The following RUNX1 variants were observed in gnomAD, a reference collection of about 807,000 sequenced individuals.
RUNX1 encodes the protein runt-related transcription factor 1.
A neutral mutation model predicts 42.8 loss-of-function variants in RUNX1; 19 were observed. The ratio of observed to expected loss-of-function variants is 0.44; its 90% CI spans 0.31 to 0.65. The LOEUF (loss-of-function observed/expected upper bound fraction) is 0.65, where lower values mean the gene tolerates loss of function less well. RUNX1 is among the 30% of genes least tolerant of loss of function. The pLI is 0.07. For synonymous variants in RUNX1, 271 were observed against 289.4 expected (o/e 0.94, Z 0.64); for missense variants, 528 against 672.0 (o/e 0.79, Z 2.37).
Position 34,999,956 on chromosome 21 carries a change from G to A in RUNX1, c.58+48886C>T, listed in dbSNP as rs570055720. Among the ~76,000 whole-genome samples, 28 of 152,230 alleles carry A rather than the reference G, an allele frequency of 1.8e-4. 1 individual carries two copies. Among genetic ancestry groups the A allele is most frequent in the South Asian group, 4.1e-4 (2 of 4,820 alleles). On this transcript the variant is annotated intron_variant, in intron 2 of 8. Transcript: ENST00000675419. ...CTAGTGGTTAAGCTTCATCTTTATC[G>A]GGCTGAACGAGATGAGCTTTCACCC...
At chr21:34,865,221 T>C (rs1217358411) in intron 5 of RUNX1, among the ~76,000 whole-genome samples, 3 of 151,530 alleles carry the variant, frequency 2.0e-5, no homozygotes, top group Admixed American at 2.0e-4. Flanking sequence ...ACAGATCCCG[T>C]AAGAAGGAGC....
Position 34,792,177 on chromosome 21 carries a change from C to T in RUNX1, c.1401G>A (p.Ala467=), listed in dbSNP as rs754338287. Reference sequence around the variant, plus strand: ...CGGCCTCCTCCAGGCGCGCGGAGGGCGCCATGTTGGTGGGGGAGTTGCTGT... The same window carrying T: ...CGGCCTCCTCCAGGCGCGCGGAGGGTGCCATGTTGGTGGGGGAGTTGCTGT... The part of the protein sequence containing the change: ...GSHSNSPTNM[A]PSARLEEAVW... The change falls in exon 9 of 9, where the codon GCG becomes GCA. Residue 467 remains alanine, a synonymous_variant. Coordinates refer to ENST00000675419, the MANE Select transcript of RUNX1 (RefSeq NM_001754.5). The surrounding 1 kb of genome is among the most constrained non-coding windows in gnomAD (Gnocchi z 6.9). 9.2e-6 allele frequency: 14 copies of T among 1,529,764 alleles called. No homozygotes were observed. In the African/African-American group the frequency reaches 1.9e-4, roughly 21 times the overall value. The allele number at this position is 1,529,764 out of a possible 1,614,324, so 94.8% of individuals were successfully genotyped here. A position where few individuals can be genotyped will look rare whatever the true frequency, so the allele number is the denominator to read the frequency against.
chr21:34,898,747 G>A (rs189205903), intron 2 of RUNX1, among the ~76,000 whole-genome samples: 1 of 152,248 alleles, frequency 6.6e-6, no homozygotes, highest in Admixed American at 6.5e-5. Flanking sequence ...ACTGCAGAAA[G>A]TGAATGCGTA....
intron 2 of RUNX1, among the ~76,000 whole-genome samples, chr21:34,895,467 GC>G: frequency 6.6e-6 from 1 of 152,318 alleles, no homozygotes; most frequent in East Asian, 1.9e-4. Flanking sequence ...AGGAAGAGGG[GC>G]CAACAGCCCC....
At chr21:34,798,323 T>C (rs1405250194) in intron 8 of RUNX1, among the ~76,000 whole-genome samples, 1 of 152,254 alleles carries the variant, frequency 6.6e-6, no homozygotes, top group Non-Finnish European at 1.5e-5. Context: ...ACTAAGTTTC[T>C]TCTTTTGCCT....
chr21:34,932,162 TA>T (rs1039052462), intron 2 of RUNX1, among the ~76,000 whole-genome samples: 2 of 152,174 alleles, frequency 1.3e-5, no homozygotes, highest in Non-Finnish European at 2.9e-5. Flanking sequence ...GTAATTAATT[TA>T]TAGAGAGTTG....
intron 2 of RUNX1, among the ~76,000 whole-genome samples, chr21:34,962,981 C>A (rs1297858695): frequency 1.3e-5 from 2 of 152,196 alleles, no homozygotes; most frequent in Non-Finnish European, 2.9e-5. Context: ...AACACCCTTG[C>A]CCAACATCAG....
intron 8 of RUNX1, among the ~76,000 whole-genome samples, chr21:34,793,850 C>T (rs764292608): frequency 6.6e-6 from 1 of 151,826 alleles, no homozygotes; most frequent in African/African-American, 2.4e-5. Context: ...ATTACAGGCG[C>T]CCGCCACCAG....
At position 34,848,219 on chromosome 21, in the gene RUNX1, C is replaced by T. The variant is rs751137653; in HGVS notation, c.613+11255G>A. 7.0e-4 allele frequency among the ~76,000 whole-genome samples: 106 copies of T among 152,302 alleles called. 1 individual carries two copies. Among genetic ancestry groups the T allele is most frequent in the Non-Finnish European group, 1.3e-3 (90 of 68,018 alleles). Reference sequence around the variant, plus strand: ...GAGGGTGGGGAGGTTAATCTGATCCCGAAGGGGAGGCCAGGCTGAATCAGG... The same window carrying T: ...GAGGGTGGGGAGGTTAATCTGATCCTGAAGGGGAGGCCAGGCTGAATCAGG... On this transcript the variant is annotated intron_variant, in intron 6 of 8. Coordinates refer to ENST00000675419, the MANE Select transcript of RUNX1 (RefSeq NM_001754.5).
intron 5 of RUNX1, among the ~76,000 whole-genome samples, chr21:34,874,476 G>A (rs1274007227): frequency 4.0e-5 from 6 of 151,602 alleles, no homozygotes; most frequent in South Asian, 2.1e-4. Flanking sequence ...AGGCGTGGTG[G>A]TGGATGCCTG....
intron 2 of RUNX1, among the ~76,000 whole-genome samples, chr21:35,036,332 G>A (rs1015672252): frequency 6.6e-6 from 1 of 152,058 alleles, no homozygotes; most frequent in African/African-American, 2.4e-5. Flanking sequence ...CTTTTAATTT[G>A]TCCCATTAAG....
Position 35,000,319 on chromosome 21 carries a change from C to T in RUNX1, c.58+48523G>A, listed in dbSNP as rs937021405. On this transcript the variant is annotated intron_variant, in intron 2 of 8. Coordinates refer to ENST00000675419, the MANE Select transcript of RUNX1 (RefSeq NM_001754.5). ...GCAGTGGCGCAATCTCGGCTCACTG[C>T]AAACTCCGCCTCCCGGGTTCACGCC... 6.1e-5 allele frequency among the ~76,000 whole-genome samples: 9 copies of T among 148,574 alleles called. No homozygotes were observed. In the East Asian group the frequency reaches 1.8e-3, roughly 29 times the overall value.
At chr21:34,832,323 C>T (rs1007180821) in intron 7 of RUNX1, among the ~76,000 whole-genome samples, 5 of 152,256 alleles carry the variant, frequency 3.3e-5, no homozygotes, top group Middle Eastern at 3.4e-3. Context: ...GTTAAAGAGG[C>T]ATATCTGATG....
chr21:34,966,543 C>T (rs946823012), intron 2 of RUNX1, among the ~76,000 whole-genome samples: 1 of 152,054 alleles, frequency 6.6e-6, no homozygotes, highest in Non-Finnish European at 1.5e-5. Context: ...CCAACCCACA[C>T]CCCCTCATTG....
chr21:34,865,784 A>C (rs2057653073), intron 5 of RUNX1, among the ~76,000 whole-genome samples: 1 of 152,228 alleles, frequency 6.6e-6, no homozygotes, highest in African/African-American at 2.4e-5. Context: ...GGAAGTGGCT[A>C]AACCTCAGGA....
chr21:34,806,102 GTTA>G (rs1357553770), intron 7 of RUNX1, among the ~76,000 whole-genome samples: 1 of 152,132 alleles, frequency 6.6e-6, no homozygotes, highest in Non-Finnish European at 1.5e-5. Flanking sequence ...AAATATAAAA[GTTA>G]TAAATATGAT....
At chr21:35,022,125 T>C (rs1168496970) in intron 2 of RUNX1, among the ~76,000 whole-genome samples, 2 of 152,242 alleles carry the variant, frequency 1.3e-5, no homozygotes, top group Non-Finnish European at 2.9e-5. Context: ...GGCTAACATG[T>C]AGCTGAGAGC....
intron 7 of RUNX1, among the ~76,000 whole-genome samples, chr21:34,831,389 T>C (rs910316119): frequency 6.6e-6 from 1 of 152,234 alleles, no homozygotes; most frequent in African/African-American, 2.4e-5. Flanking sequence ...ATTTGAGATG[T>C]CTATTTTGAG....
Position 34,817,611 on chromosome 21 carries a change from C to A in RUNX1, c.805+16799G>T, listed in dbSNP as rs547691082. Among the ~76,000 whole-genome samples the A allele has an allele frequency of 7.8e-4, 119 of 152,284 alleles. No homozygotes were observed. The South Asian group carries it at 0.022, about 28-fold the overall frequency. ...CAGAGCTGGGAGATTTGTCGAGTTA[C>A]TCAAGCCCCCAAGACATGGCCACTA... On this transcript the variant is annotated intron_variant, in intron 7 of 8. Transcript: ENST00000675419.
Sources: gnomAD v4.1 joint callset for allele counts (sites outside exome capture counted in the v4.1 genomes callset) on GRCh38, gnomAD v4.1.1 for gene constraint, Gnocchi (gnomAD v3.1) non-coding constraint, MANE v1.5 for transcripts, NCBI Gene and HGNC (gene_info 2026-07-23, HGNC 2026-07-21) for gene names.